RABL2A: variants seen among roughly 807,000 people sequenced by gnomAD.
RABL2A encodes the protein RAB, member of RAS oncogene family like 2A, also known as rab-like protein 2A.
A neutral mutation model predicts 30.7 loss-of-function variants in RABL2A; 17 were observed. The observed-to-expected ratio is 0.55, with a 90% CI of 0.38 to 0.83. The LOEUF is 0.83. RABL2A is among the 40% of genes least tolerant of loss of function. The pLI, the probability that RABL2A is intolerant of heterozygous loss-of-function variation, is 0.00. For synonymous variants in RABL2A, 64 were observed against 101.8 expected (o/e 0.63, Z 2.24); for missense variants, 155 against 272.6 (o/e 0.57, Z 3.04).
intron 5 of RABL2A, chr2:113,637,322 C>G: frequency 1.0e-6 from 1 of 996,020 alleles, no homozygotes. Context: ...GCCACCACCT[C>G]CGTGCAGCCT....
Position 113,634,338 on chromosome 2 carries a change from G to A in RABL2A, c.217+106G>A. On this transcript the variant is annotated intron_variant, in intron 4 of 8. Coordinates refer to ENST00000683472, the MANE Select transcript of RABL2A (RefSeq NM_001306158.2). ...AGGAGAGAGTCCAGAGGGAGAAAAT[G>A]AGACCCCAGGCAGGGACAAGGGGTG... 7.5e-6 allele frequency: 11 copies of A among 1,472,884 alleles called. No homozygotes were observed. In the South Asian group the frequency reaches 1.2e-4, roughly 17 times the overall value. 91.2% of individuals were successfully genotyped at this position (1,472,884 alleles called of 1,614,324 possible). A position where few individuals can be genotyped will look rare whatever the true frequency, so the allele number is the denominator to read the frequency against.
In RABL2A at chr2:113,641,396, G is replaced by A. The variant is rs777762364; in HGVS notation, c.453G>A (p.Lys151=). The A allele has an allele frequency of 1.9e-6, 3 of 1,612,442 alleles. No homozygotes were observed. Among genetic ancestry groups the A allele is most frequent in the Admixed American group, 1.7e-5 (1 of 59,880 alleles). ...AAAAAAGCTTCAATTTTGCCAAGAA[G>A]TTCTCCCTGCCCCTGTATTTCGTCT... ...VTQKSFNFAK[K]FSLPLYFVSA... Residue 151 remains lysine (K), a synonymous_variant, in exon 7 of 9, where the codon AAG becomes AAA. Coordinates refer to ENST00000683472, the MANE Select transcript of RABL2A (RefSeq NM_001306158.2).
In RABL2A at chr2:113,628,669, C is replaced by A. The variant is rs1573920872; in HGVS notation, c.63C>A (p.Asn21Lys). 6.5e-7 allele frequency: 1 copy of A among 1,550,250 alleles called. No homozygotes were observed. The highest frequency in any genetic ancestry group is 8.8e-7 in the Non-Finnish European group (1 of 1,139,920). The change falls in exon 2 of 9, where the codon AAC becomes AAA. Residue 21 changes from asparagine (N) to lysine (K), a missense_variant. Asn to Lys is a moderately conservative substitution (Grantham distance 94, BLOSUM62 0). Coordinates refer to ENST00000683472, the MANE Select transcript of RABL2A (RefSeq NM_001306158.2). ...LDQGKYDADD[N>K]VKIICLGDSA... Reference sequence around the variant, plus strand: ...AAGGGAAGTATGATGCTGATGACAACGTGAAGATCATCTGCCTGGGAGACA... The same window carrying A: ...AAGGGAAGTATGATGCTGATGACAAAGTGAAGATCATCTGCCTGGGAGACA...
chr2:113,628,962 A>G (rs947751775), intron 2 of RABL2A, among the ~76,000 whole-genome samples: 4 of 151,806 alleles, frequency 2.6e-5, no homozygotes, highest in Non-Finnish European at 4.4e-5. Context: ...GTGTGGAGCA[A>G]CTGAGGACAT....
chr2:113,634,356 A>G, intron 4 of RABL2A, 124 bp downstream of exon 4: 2 of 1,294,784 alleles, frequency 1.5e-6, no homozygotes. Flanking sequence ...AGGCAGGGAC[A>G]AGGGGTGCTA....
At chr2:113,635,317 T>C (rs62162390) in intron 5 of RABL2A, 187 bp downstream of exon 5, 90 of 614,728 alleles carry the variant, frequency 1.5e-4, no homozygotes, top group Admixed American at 2.5e-4. Flanking sequence ...CCAGGTGAGC[T>C]CTCTGTAGGC....
chr2:113,634,752 G>T (rs1681857291), intron 4 of RABL2A: 1 of 482,610 alleles, frequency 2.1e-6, no homozygotes, highest in Non-Finnish European at 3.8e-6. Flanking sequence ...GACCCTGCGT[G>T]TCACGTGGGA....
At chr2:113,634,859 C>T (rs1559157920) in intron 4 of RABL2A, among the ~76,000 whole-genome samples, 192 bp from the exon 5 acceptor site, 1 of 152,206 alleles carries the variant, frequency 6.6e-6, no homozygotes, top group Non-Finnish European at 1.5e-5. Flanking sequence ...GGTGAAGACA[C>T]ACCTCTCACA....
At position 113,641,388 on chromosome 2, in the gene RABL2A, G is replaced by T. The variant is rs1163422353; in HGVS notation, c.445G>T (p.Ala149Ser). Residue 149 changes from alanine (A) to serine (S), a missense_variant, in exon 7 of 9, where the codon GCC (alanine) becomes TCC (serine). By Grantham distance (99) the Ala-to-Ser change is moderately conservative. This residue lies in a region of RABL2A where 33 missense variants were observed against 30.7 expected (regional missense o/e 1.08). Coordinates refer to ENST00000683472, the MANE Select transcript of RABL2A (RefSeq NM_001306158.2). ...CGTGACCCAAAAAAGCTTCAATTTT[G>T]CCAAGAAGTTCTCCCTGCCCCTGTA... ...INVTQKSFNF[A>S]KKFSLPLYFV... is the part of the protein sequence containing the mutation. 1 of 1,612,602 alleles carries T rather than the reference G, an allele frequency of 6.2e-7. No homozygotes were observed. Among genetic ancestry groups the T allele is most frequent in the Non-Finnish European group, 8.5e-7 (1 of 1,179,584 alleles).
At chr2:113,629,155 T>G (rs1161795115) in intron 2 of RABL2A, among the ~76,000 whole-genome samples, 2 of 101,822 alleles carry the variant, frequency 2.0e-5, no homozygotes, top group South Asian at 3.2e-4. Flanking sequence ...AAGACTGGCT[T>G]CTTCTTGTAA....
At chr2:113,633,485 G>A (rs377638636) in intron 3 of RABL2A, 2 of 202,984 alleles carry the variant, frequency 9.9e-6, no homozygotes, top group African/African-American at 2.5e-5. Flanking sequence ...GGTGAGAGGA[G>A]CCCCTGGAGC....
At chr2:113,641,567 T>G in intron 7 of RABL2A, 117 bp downstream of exon 7, 1 of 1,608,176 alleles carries the variant, frequency 6.2e-7, no homozygotes, top group Non-Finnish European at 8.5e-7. Context: ...TGCATGGGCC[T>G]GGGTGGCAGG....
intron 3 of RABL2A, 156 bp from the exon 4 acceptor site, chr2:113,633,997 C>G: frequency 7.0e-7 from 1 of 1,437,040 alleles, no homozygotes; most frequent in South Asian, 1.4e-5. Flanking sequence ...GTATGTGAAG[C>G]TGATCCTCTG....
At chr2:113,630,916 G>T (rs1187701127) in intron 2 of RABL2A, among the ~76,000 whole-genome samples, 2 of 149,676 alleles carry the variant, frequency 1.3e-5, no homozygotes, top group Non-Finnish European at 3.0e-5. Context: ...GTTTTTTTTT[G>T]AGACAGAGTC....
At chr2:113,633,943 C>T (rs561107704) in intron 3 of RABL2A, 17 of 1,106,082 alleles carry the variant, frequency 1.5e-5, no homozygotes, top group African/African-American at 1.4e-4. Flanking sequence ...GACACACTCT[C>T]ATCTCCTCCC....
At chr2:113,640,197 A>G (rs974368392) in intron 5 of RABL2A, 4 of 152,664 alleles carry the variant, frequency 2.6e-5, no homozygotes, top group Non-Finnish European at 5.9e-5. Flanking sequence ...CTCTAGAAAC[A>G]TTTACAGTTA....
intron 2 of RABL2A, among the ~76,000 whole-genome samples, chr2:113,631,011 C>T (rs1273179387): frequency 6.6e-6 from 1 of 152,132 alleles, no homozygotes; most frequent in Non-Finnish European, 1.5e-5. Flanking sequence ...AATTCTCATG[C>T]CTCAGCCTCC....
chr2:113,631,911 G>A (rs1214311558), intron 2 of RABL2A, among the ~76,000 whole-genome samples: 1 of 151,608 alleles, frequency 6.6e-6, no homozygotes, highest in Non-Finnish European at 1.5e-5. Context: ...AATTTTCTAC[G>A]TGATCTAAGA....
rs1001658289 is a variant in RABL2A, at chr2:113,642,680, C to T, written c.*551C>T. The T allele has an allele frequency of 3.1e-5, 6 of 195,196 alleles. No homozygotes were observed. Among genetic ancestry groups the T allele is most frequent in the South Asian group, 8.1e-5 (1 of 12,312 alleles). The allele number at this position is 195,196 out of a possible 1,614,324, so 12.1% of individuals were successfully genotyped here. A position where few individuals can be genotyped will look rare whatever the true frequency, so the allele number is the denominator to read the frequency against. On this transcript the variant is annotated 3_prime_UTR_variant, in exon 9 of 9. Coordinates refer to ENST00000683472, the MANE Select transcript of RABL2A (RefSeq NM_001306158.2). ...GTCCTGAGACGGAGTCTCGCTCTGT[C>T]GCCAGGCTGGAGTGCAGTGGCGCAG...
Sources: allele counts gnomAD v4.1 joint callset (sites outside exome capture counted in the v4.1 genomes callset), GRCh38; gene constraint gnomAD v4.1.1; regional missense constraint gnomAD v4.1.1; transcripts MANE v1.5; gene names NCBI Gene and HGNC (gene_info 2026-07-23, HGNC 2026-07-21).